Variants in AFG2A observed in about 807,000 individuals in gnomAD.
AFG2A encodes the protein ATPase family gene 2 protein homolog A.
the AFG2A span, among the ~76,000 whole-genome samples, chr4:123,149,073 C>T: frequency 6.6e-6 from 1 of 152,166 alleles, no homozygotes; most frequent in Non-Finnish European, 1.5e-5. Context: ...CTGGCACACA[C>T]ACACTGTTTT....
the AFG2A span, among the ~76,000 whole-genome samples, chr4:123,247,384 G>A: frequency 3.3e-5 from 5 of 152,008 alleles, no homozygotes; most frequent in African/African-American, 4.8e-5. Context: ...TATGAAAATT[G>A]GTTTCCTTTG....
At chr4:123,005,353 G>C in the AFG2A span, among the ~76,000 whole-genome samples, 1 of 152,070 alleles carries the variant, frequency 6.6e-6, no homozygotes, top group Non-Finnish European at 1.5e-5. Context: ...TTTTCGCCAT[G>C]TTAGCTGGCT....
At chr4:123,306,387 T>C in the AFG2A span, among the ~76,000 whole-genome samples, 15 of 152,274 alleles carry the variant, frequency 9.9e-5, no homozygotes, top group Admixed American at 5.9e-4. Context: ...TAAATTAGTG[T>C]CATAGCCACT....
the AFG2A span, among the ~76,000 whole-genome samples, chr4:123,270,910 G>A: frequency 3.3e-5 from 5 of 152,170 alleles, 1 homozygote; most frequent in African/African-American, 4.8e-5. Context: ...TCTTAAAGAC[G>A]ATGAAAGGCC....
the AFG2A span, among the ~76,000 whole-genome samples, chr4:123,187,923 G>T: frequency 0.028 from 4,295 of 151,804 alleles, 101 homozygotes; most frequent in Non-Finnish European, 0.038. Context: ...TTGAGCACTG[G>T]GGAGGTTGAG....
At chr4:123,272,727 G>A in the AFG2A span, among the ~76,000 whole-genome samples, 2 of 152,114 alleles carry the variant, frequency 1.3e-5, no homozygotes, top group African/African-American at 4.8e-5. Flanking sequence ...GGAGCAGTAA[G>A]GGCAAAAACT....
chr4:123,003,590 G>C, the AFG2A span, among the ~76,000 whole-genome samples: 1 of 152,120 alleles, frequency 6.6e-6, no homozygotes, highest in Non-Finnish European at 1.5e-5. Context: ...TGTTTGCCTG[G>C]GTATCAGCAG....
At chr4:123,169,625 T>G in the AFG2A span, among the ~76,000 whole-genome samples, 345 of 152,250 alleles carry the variant, frequency 2.3e-3, 2 homozygotes, top group South Asian at 0.012. Context: ...ATTACAGGCG[T>G]GTGCCACCAT....
chr4:123,024,227 C>A, the AFG2A span, among the ~76,000 whole-genome samples: 104 of 123,540 alleles, frequency 8.4e-4, no homozygotes, highest in South Asian at 1.2e-3. Flanking sequence ...AGACTATAAG[C>A]AAAAAAAAAA....
At chr4:123,140,523 C>A in the AFG2A span, among the ~76,000 whole-genome samples, 1 of 148,546 alleles carries the variant, frequency 6.7e-6, no homozygotes, top group East Asian at 2.0e-4. Flanking sequence ...AAAAGCGATT[C>A]TTTCTTGTAA....
chr4:122,926,860 C>T, the AFG2A span, among the ~76,000 whole-genome samples: 2 of 152,066 alleles, frequency 1.3e-5, no homozygotes, highest in African/African-American at 4.8e-5. Context: ...ATTGGAGATA[C>T]AGAGAGAAAT....
the AFG2A span, chr4:123,313,888 A>G: frequency 6.4e-7 from 1 of 1,555,622 alleles, no homozygotes; most frequent in Middle Eastern, 1.7e-4. Flanking sequence ...AAAATTTCAG[A>G]TTGTAGCTGT....
the AFG2A span, among the ~76,000 whole-genome samples, chr4:123,139,349 C>A: frequency 6.9e-3 from 1,054 of 152,156 alleles, 7 homozygotes; most frequent in African/African-American, 0.023. Flanking sequence ...TTTAACCAAC[C>A]TGTAGTTTTG....
chr4:123,233,715 GTGTA>G, the AFG2A span, among the ~76,000 whole-genome samples: 2 of 149,046 alleles, frequency 1.3e-5, no homozygotes, highest in African/African-American at 2.6e-5. Context: ...TCATACATGG[GTGTA>G]TGTGTGTGTG....
At chr4:123,016,608 G>A in the AFG2A span, among the ~76,000 whole-genome samples, 4 of 151,504 alleles carry the variant, frequency 2.6e-5, no homozygotes, top group African/African-American at 9.7e-5. Flanking sequence ...TGGGATGGCG[G>A]CCGGGCAGAG....
At chr4:123,187,315 C>T in the AFG2A span, among the ~76,000 whole-genome samples, 1 of 152,118 alleles carries the variant, frequency 6.6e-6, no homozygotes, top group African/African-American at 2.4e-5. Flanking sequence ...TTGTTTGCAT[C>T]AACTTGAATC....
the AFG2A span, among the ~76,000 whole-genome samples, chr4:123,113,330 G>A: frequency 6.6e-6 from 1 of 152,112 alleles, no homozygotes; most frequent in African/African-American, 2.4e-5. Flanking sequence ...TAATAGGATA[G>A]GAGAAAAACA....
the AFG2A span, chr4:122,934,342 A>G: frequency 1.2e-6 from 2 of 1,614,148 alleles, no homozygotes; most frequent in Non-Finnish European, 1.7e-6. Flanking sequence ...ATCAAGAAGT[A>G]CTCCTTATAA....
the AFG2A span, among the ~76,000 whole-genome samples, chr4:123,020,569 A>G: frequency 1.3e-5 from 2 of 151,966 alleles, no homozygotes; most frequent in Non-Finnish European, 2.9e-5. Flanking sequence ...GGGTTTCACC[A>G]CGTTGGCCAG....
Sources: gnomAD v4.1 joint callset for allele counts (sites outside exome capture counted in the v4.1 genomes callset) on GRCh38, gnomAD v4.1.1 for gene constraint, MANE v1.5 for transcripts, NCBI Gene and HGNC (gene_info 2026-07-23, HGNC 2026-07-21) for gene names.